The following HDAC9 variants were observed in gnomAD, a reference collection of about 807,000 sequenced individuals.
The protein encoded by HDAC9 is MEF-2 interacting transcription repressor (MITR) protein.
HDAC9 carries 41 observed loss-of-function variants against 139.4 expected under a neutral mutation model. The observed-to-expected ratio is 0.29, with a 90% CI of 0.23 to 0.38. The LOEUF is 0.38. HDAC9 is among the 10% of genes least tolerant of loss of function. The probability of loss-of-function intolerance (pLI) is 1.00; values close to 1 mark genes in which losing one functional copy is unlikely to be tolerated. For missense variants in HDAC9, 1,147 were observed against 1,297.0 expected (o/e 0.88, Z 1.78); for synonymous variants, 517 against 476.2 (o/e 1.09, Z -1.12).
intron 17 of HDAC9, among the ~76,000 whole-genome samples, chr7:18,804,585 G>T (rs1793557065): frequency 6.6e-6 from 1 of 152,058 alleles, no homozygotes; most frequent in South Asian, 2.1e-4. Context: ...ACCCTAAAAT[G>T]GTTCAACAAG....
chr7:18,599,514 T>C (rs140162264), intron 6 of HDAC9, among the ~76,000 whole-genome samples: 2 of 152,284 alleles, frequency 1.3e-5, no homozygotes, highest in African/African-American at 4.8e-5. Context: ...ATTGTCTCTA[T>C]AGTTTTGCCT....
At chr7:18,372,985 T>G (rs1784712488) in intron 1 of HDAC9, among the ~76,000 whole-genome samples, 2 of 152,138 alleles carry the variant, frequency 1.3e-5, no homozygotes, top group Non-Finnish European at 2.9e-5. Flanking sequence ...AGACTTGAGT[T>G]TTTTAGCCTC....
intron 12 of HDAC9, among the ~76,000 whole-genome samples, chr7:18,676,952 A>G (rs1781555605): frequency 6.6e-6 from 1 of 151,962 alleles, no homozygotes; most frequent in South Asian, 2.1e-4. Context: ...TTTACACACA[A>G]CTTCCTAAAT....
intron 21 of HDAC9, among the ~76,000 whole-genome samples, chr7:18,838,207 G>A (rs980885912): frequency 2.6e-5 from 4 of 152,098 alleles, no homozygotes; most frequent in Non-Finnish European, 5.9e-5. Context: ...TGGGCACTGT[G>A]GTAAGCACTT....
At chr7:18,249,397 GGA>G (rs1211955006) in intron 2 of HDAC9, among the ~76,000 whole-genome samples, 1 of 150,570 alleles carries the variant, frequency 6.6e-6, no homozygotes. Flanking sequence ...CAGCTAGTCG[GGA>G]GGCTGAGGTG....
At chr7:18,156,777 A>G (rs1200916842) in intron 1 of HDAC9, among the ~76,000 whole-genome samples, 1 of 152,226 alleles carries the variant, frequency 6.6e-6, no homozygotes. Flanking sequence ...GAGAAAGCTG[A>G]TCTTTTACTT....
intron 12 of HDAC9, among the ~76,000 whole-genome samples, chr7:18,688,741 A>G (rs768068636): frequency 2.6e-5 from 4 of 151,894 alleles, no homozygotes; most frequent in Non-Finnish European, 4.4e-5. Context: ...TTCACGGGAA[A>G]TGTCTTTAAG....
At chr7:18,250,226 C>T (rs930528403) in intron 2 of HDAC9, among the ~76,000 whole-genome samples, 17 of 152,304 alleles carry the variant, frequency 1.1e-4, no homozygotes, top group African/African-American at 1.4e-4. Flanking sequence ...GAGCAAACAG[C>T]ATTGGGTTTA....
Position 18,767,158 on chromosome 7 carries a change from A to G in HDAC9, c.2214+3A>G. On this transcript the variant is annotated splice_donor_region_variant and intron_variant, in intron 16 of 25. Transcript: ENST00000686413. ...CATTACCTTGTGGTGGACTTGGGGT[A>G]AGTACAAGTTGGTTTACTGCCTTTA... is the stretch of plus-strand genomic sequence containing the variant. 2 of 1,567,018 alleles carry G rather than the reference A, an allele frequency of 1.3e-6. No individual in the cohort carries two copies. The highest frequency in any genetic ancestry group is 8.7e-7 in the Non-Finnish European group (1 of 1,149,642).
chr7:18,426,286 T>G (rs1302983940), intron 1 of HDAC9, among the ~76,000 whole-genome samples: 1 of 152,240 alleles, frequency 6.6e-6, no homozygotes, highest in African/African-American at 2.4e-5. Context: ...CATTTGTCAT[T>G]CTTTTCCACT....
intron 22 of HDAC9, among the ~76,000 whole-genome samples, chr7:18,905,381 G>A (rs930803240): frequency 4.6e-5 from 7 of 152,238 alleles, no homozygotes; most frequent in African/African-American, 1.7e-4. Flanking sequence ...TCAGAAGCTA[G>A]ATAAGCTAAA....
intron 12 of HDAC9, among the ~76,000 whole-genome samples, chr7:18,703,053 A>G (rs1783627712): frequency 6.6e-6 from 1 of 152,142 alleles, no homozygotes; most frequent in Non-Finnish European, 1.5e-5. Context: ...AATATTAAAT[A>G]TTTTATGGTA....
intron 1 of HDAC9, among the ~76,000 whole-genome samples, chr7:18,121,106 A>C (rs1784341355): frequency 1.3e-5 from 2 of 152,224 alleles, no homozygotes. Flanking sequence ...AAATCCTGAC[A>C]GATAAGGAAG....
chr7:18,247,428 G>T (rs1446272432), intron 2 of HDAC9, among the ~76,000 whole-genome samples: 1 of 152,040 alleles, frequency 6.6e-6, no homozygotes, highest in Non-Finnish European at 1.5e-5. Context: ...AGTAAACCAA[G>T]GAGGAGAGGT....
At chr7:18,162,070 G>A (rs1026038755) in intron 1 of HDAC9, among the ~76,000 whole-genome samples, 1 of 152,066 alleles carries the variant, frequency 6.6e-6, no homozygotes, top group African/African-American at 2.4e-5. Flanking sequence ...CTCTTTTTTA[G>A]ATGAAGACTT....
chr7:18,640,074 T>C (rs1785083880), intron 8 of HDAC9, among the ~76,000 whole-genome samples: 1 of 151,982 alleles, frequency 6.6e-6, no homozygotes, highest in Admixed American at 6.6e-5. Context: ...GAAAATTCTA[T>C]ATCCACATTT....
intron 12 of HDAC9, among the ~76,000 whole-genome samples, chr7:18,669,663 C>G (rs1795544304): frequency 6.6e-6 from 1 of 151,676 alleles, no homozygotes; most frequent in African/African-American, 2.4e-5. Flanking sequence ...TACCAGAGAT[C>G]CTAAAGTATG....
At chr7:18,765,770 A>G (rs1562925717) in intron 15 of HDAC9, among the ~76,000 whole-genome samples, 1 of 152,184 alleles carries the variant, frequency 6.6e-6, no homozygotes, top group East Asian at 1.9e-4. Flanking sequence ...GTTAGGAACA[A>G]CAACATAAGA....
chr7:18,799,531 A>G (rs569543320), intron 17 of HDAC9, among the ~76,000 whole-genome samples: 1 of 152,216 alleles, frequency 6.6e-6, no homozygotes, highest in Non-Finnish European at 1.5e-5. Flanking sequence ...ATGTCTAAAG[A>G]TTGTATGAGG....
Sources: gnomAD v4.1 joint callset for allele counts (sites outside exome capture counted in the v4.1 genomes callset) on GRCh38, gnomAD v4.1.1 for gene constraint, MANE v1.5 for transcripts, NCBI Gene and HGNC (gene_info 2026-07-23, HGNC 2026-07-21) for gene names.